Variants in PLXDC2 observed in about 807,000 individuals in gnomAD.
PLXDC2 encodes plexin domain-containing protein 2.
A neutral mutation model predicts 68.9 loss-of-function variants in PLXDC2; 40 were observed. The observed-to-expected ratio is 0.58, with a 90% CI of 0.45 to 0.76. The LOEUF is 0.76. PLXDC2 is among the 30% of genes least tolerant of loss of function. The pLI is 0.00. For synonymous variants in PLXDC2, 243 were observed against 234.2 expected, an observed-to-expected ratio of 1.04 and a Z score of -0.34; for missense variants, 644 against 661.9, an observed-to-expected ratio of 0.97 and a Z score of 0.30.
intron 12 of PLXDC2, among the ~76,000 whole-genome samples, chr10:20,237,249 T>C (rs1835445563): frequency 6.6e-6 from 1 of 152,188 alleles, no homozygotes; most frequent in Non-Finnish European, 1.5e-5. Context: ...TGTGAATGTA[T>C]TGTCACAGTA....
chr10:20,036,332 C>T (rs1305219842), intron 2 of PLXDC2, among the ~76,000 whole-genome samples: 2 of 152,164 alleles, frequency 1.3e-5, no homozygotes, highest in Non-Finnish European at 2.9e-5. Flanking sequence ...TGTCCATCTT[C>T]TGAGGACACA....
At chr10:20,125,700 T>A (rs775274326) in intron 4 of PLXDC2, among the ~76,000 whole-genome samples, 10 of 152,152 alleles carry the variant, frequency 6.6e-5, no homozygotes, top group South Asian at 4.1e-4. Context: ...ATGCTCCTTA[T>A]ATTTGTGTTG....
At chr10:20,139,602 C>T (rs949328424) in intron 4 of PLXDC2, among the ~76,000 whole-genome samples, 3 of 152,162 alleles carry the variant, frequency 2.0e-5, no homozygotes, top group African/African-American at 4.8e-5. Flanking sequence ...TTGGAACCAA[C>T]CCACATGCCC....
intron 9 of PLXDC2, among the ~76,000 whole-genome samples, chr10:20,189,987 T>A (rs1834743312): frequency 6.6e-6 from 1 of 151,778 alleles, no homozygotes; most frequent in Admixed American, 6.6e-5. Context: ...ATCAAGACAT[T>A]CTTTTAAGTT....
intron 11 of PLXDC2, 66 bp from the exon 12 acceptor site, chr10:20,218,998 C>G (rs1041415727): frequency 1.9e-6 from 3 of 1,551,734 alleles, no homozygotes; most frequent in African/African-American, 2.7e-5. Context: ...AATTACTAGT[C>G]ATAAGATTTA....
chr10:20,028,466 G>C (rs61296528), intron 2 of PLXDC2, among the ~76,000 whole-genome samples: 2,693 of 152,284 alleles, frequency 0.018, 77 homozygotes, highest in African/African-American at 0.061. Context: ...CCTTGCTTTT[G>C]TGAGTTGCGA....
At chr10:20,049,077 G>C (rs1018886350) in intron 3 of PLXDC2, among the ~76,000 whole-genome samples, 3 of 152,074 alleles carry the variant, frequency 2.0e-5, no homozygotes, top group South Asian at 2.1e-4. Flanking sequence ...TTGGGTTCTT[G>C]GTTACCCATG....
chr10:19,817,582 G>A (rs889256450), intron 1 of PLXDC2, among the ~76,000 whole-genome samples: 13 of 152,312 alleles, frequency 8.5e-5, no homozygotes, highest in African/African-American at 2.9e-4. Flanking sequence ...AAGCGTGTGT[G>A]GTATGGGGTG....
chr10:20,235,101 A>G (rs897958736), intron 12 of PLXDC2, among the ~76,000 whole-genome samples: 1 of 152,170 alleles, frequency 6.6e-6, no homozygotes, highest in Non-Finnish European at 1.5e-5. Context: ...TCTATATCCT[A>G]TGTCCAAGCT....
intron 3 of PLXDC2, among the ~76,000 whole-genome samples, chr10:20,055,546 T>C (rs984317104): frequency 2.0e-5 from 3 of 152,174 alleles, no homozygotes; most frequent in African/African-American, 7.2e-5. Context: ...CTGTTCATAA[T>C]GTCAAACAGT....
chr10:20,158,051 A>G (rs1261772938), intron 6 of PLXDC2, among the ~76,000 whole-genome samples: 1 of 152,112 alleles, frequency 6.6e-6, no homozygotes, highest in Non-Finnish European at 1.5e-5. Context: ...TAAAAATAAT[A>G]AAGCTACATT....
At position 20,281,397 on chromosome 10, in the gene PLXDC2, G is replaced by A. The variant is rs781211773; in HGVS notation, c.*1578G>A. The A allele has an allele frequency of 6.6e-6, 1 of 152,050 alleles. No homozygotes were observed. Among genetic ancestry groups the A allele is most frequent in the South Asian group, 2.1e-4 (1 of 4,826 alleles). 9.4% of individuals were successfully genotyped at this position (152,050 alleles called of 1,614,324 possible). A position where few individuals can be genotyped will look rare whatever the true frequency, so the allele number is the denominator to read the frequency against. ...TACACTCTGTGCCAAGAAACTGTTGGCTTTTGTAAGGTACAGTGCTCAACA... is the reference window on the plus strand; with the variant it reads ...TACACTCTGTGCCAAGAAACTGTTGACTTTTGTAAGGTACAGTGCTCAACA... On this transcript the variant is annotated 3_prime_UTR_variant, in exon 14 of 14. Coordinates refer to ENST00000377252, the MANE Select transcript of PLXDC2 (RefSeq NM_032812.9).
At chr10:19,970,508 A>G (rs17687258) in intron 1 of PLXDC2, among the ~76,000 whole-genome samples, 7,938 of 152,292 alleles carry the variant, frequency 0.052, 267 homozygotes, top group Middle Eastern at 0.078. Flanking sequence ...TGGATTACAC[A>G]CATCACCCTT....
In PLXDC2 at chr10:20,289,843, A is replaced by G. The variant is rs934588667; in HGVS notation, c.*10024A>G. On this transcript the variant is annotated 3_prime_UTR_variant, in exon 14 of 14. Transcript: ENST00000377252. ...TTTGATATTGTGGAGTAAATTCAGA[A>G]GTGCAATTTTAAATGGTGTGAATTG... 2.6e-5 allele frequency: 4 copies of G among 152,238 alleles called. No homozygotes were observed. Among genetic ancestry groups the G allele is most frequent in the African/African-American group, 9.6e-5 (4 of 41,460 alleles). The allele number at this position is 152,238 out of a possible 1,614,324, so 9.4% of individuals were successfully genotyped here.
intron 1 of PLXDC2, among the ~76,000 whole-genome samples, chr10:19,902,285 G>A (rs905432253): frequency 1.3e-5 from 2 of 151,926 alleles, no homozygotes; most frequent in East Asian, 1.9e-4. Context: ...TCACAATATT[G>A]TTTCTAACCA....
chr10:20,038,874 G>C (rs1286015002), intron 2 of PLXDC2, among the ~76,000 whole-genome samples: 1 of 152,104 alleles, frequency 6.6e-6, no homozygotes, highest in Non-Finnish European at 1.5e-5. Flanking sequence ...ATCTCACATT[G>C]CTTTCAATGA....
At chr10:20,212,441 C>T (rs1249369258) in intron 10 of PLXDC2, among the ~76,000 whole-genome samples, 1 of 152,064 alleles carries the variant, frequency 6.6e-6, no homozygotes, top group Non-Finnish European at 1.5e-5. Context: ...CGTTTAAAAG[C>T]TTTGCAGTGA....
At chr10:19,927,875 A>G (rs915372870) in intron 1 of PLXDC2, among the ~76,000 whole-genome samples, 3 of 152,260 alleles carry the variant, frequency 2.0e-5, no homozygotes, top group Admixed American at 2.0e-4. Context: ...TTAATCGTAC[A>G]GTGGTAAAGT....
chr10:19,920,683 A>G (rs1290793844), intron 1 of PLXDC2, among the ~76,000 whole-genome samples: 2 of 152,190 alleles, frequency 1.3e-5, no homozygotes, highest in East Asian at 3.9e-4. Context: ...TCAGCCTCCA[A>G]AGTAGCTGAG....
Sources: allele counts gnomAD v4.1 joint callset (sites outside exome capture counted in the v4.1 genomes callset), GRCh38; gene constraint gnomAD v4.1.1; transcripts MANE v1.5; gene names NCBI Gene and HGNC (gene_info 2026-07-23, HGNC 2026-07-21).